DYRK4: variants seen among roughly 807,000 people sequenced by gnomAD.
DYRK4 encodes the protein dual specificity tyrosine-phosphorylation-regulated kinase 4.
Under a neutral mutation model 68.3 loss-of-function variants are expected in DYRK4, and 64 were observed. The observed-to-expected ratio is 0.94, with a 90% CI of 0.77 to 1.15. The LOEUF (loss-of-function observed/expected upper bound fraction) is 1.15. Ranked by LOEUF, DYRK4 falls within the 50% of genes most tolerant of loss-of-function variation. The probability of loss-of-function intolerance (pLI) is 0.00; values close to 1 mark genes in which losing one functional copy is unlikely to be tolerated. For synonymous variants in DYRK4, 274 were observed against 289.9 expected (o/e 0.95, Z 0.56); for missense variants, 740 against 764.7 (o/e 0.97, Z 0.38).
intron 2 of DYRK4, among the ~76,000 whole-genome samples, chr12:4,575,298 A>ATTTGTGTGTGTGTGTGTGTGT (rs562026104): frequency 2.1e-5 from 3 of 144,090 alleles, no homozygotes; most frequent in Non-Finnish European, 4.5e-5. Flanking sequence ...ACAATAACTT[A>ATTTGTGTGTGTGTGTGTGTGT]CTGTGTGTGT....
chr12:4,574,211 C>A (rs1416164918), intron 2 of DYRK4, among the ~76,000 whole-genome samples: 5 of 132,592 alleles, frequency 3.8e-5, no homozygotes, highest in East Asian at 4.5e-4. Context: ...GGCGACAGAG[C>A]GAGACTCCAT....
chr12:4,590,995 G>T, intron 4 of DYRK4, 165 bp from the exon 5 acceptor site: 1 of 777,138 alleles, frequency 1.3e-6, no homozygotes, highest in Non-Finnish European at 2.0e-6. Flanking sequence ...TGCTTCCTTT[G>T]GGAGAGAGGT....
chr12:4,599,893 A>G, intron 10 of DYRK4, 105 bp downstream of exon 10: 1 of 900,526 alleles, frequency 1.1e-6, no homozygotes, highest in Non-Finnish European at 1.8e-6. Context: ...TGTCACCACT[A>G]CCAGTATGAT....
Position 4,605,728 on chromosome 12 carries a change from G to GTTTTT in DYRK4, c.1299+642_1299+643insTTTTT, listed in dbSNP as rs780888385. Among the ~76,000 whole-genome samples the GTTTTT allele has an allele frequency of 2.2e-3, 152 of 68,826 alleles. 12 individuals are homozygous for GTTTTT. Among genetic ancestry groups the GTTTTT allele is most frequent in the East Asian group, 4.7e-3 (7 of 1,500 alleles). 45.2% of individuals were successfully genotyped at this position (68,826 alleles called of 152,430 possible). On this transcript the variant is annotated intron_variant, in intron 11 of 14. Transcript: ENST00000543431. ...GCTCTTAGAAAAATGAATAGAGCTG[G>GTTTTT]GTTTTTTTTTTTTTTTTTTTTTTTT...
intron 2 of DYRK4, among the ~76,000 whole-genome samples, chr12:4,568,591 G>A (rs1205946405): frequency 6.6e-6 from 1 of 152,058 alleles, no homozygotes; most frequent in Non-Finnish European, 1.5e-5. Context: ...TCTTCATGTT[G>A]ATCAGGCTGG....
chr12:4,582,064 A>T lies in DYRK4; in HGVS notation c.133-6873A>T, dbSNP rs540562570. Reference sequence around the variant, plus strand: ...GCACGTGAGTGGTGTCATTGTCGGCACTCAAAAGTGGAGCATTTCAGGCTA... The same window carrying T: ...GCACGTGAGTGGTGTCATTGTCGGCTCTCAAAAGTGGAGCATTTCAGGCTA... On this transcript the variant is annotated intron_variant, in intron 2 of 14. Coordinates refer to ENST00000543431, the MANE Select transcript of DYRK4 (RefSeq NM_001394779.1). Among the ~76,000 whole-genome samples, 83 of 152,200 alleles carry T rather than the reference A, an allele frequency of 5.5e-4. 1 individual carries two copies. Among genetic ancestry groups the T allele is most frequent in the African/African-American group, 1.9e-3 (80 of 41,456 alleles).
chr12:4,612,470 G>T, intron 13 of DYRK4, 73 bp from the exon 14 acceptor site: 2 of 1,442,352 alleles, frequency 1.4e-6, no homozygotes, highest in South Asian at 1.4e-5. Flanking sequence ...AATCTTTATT[G>T]GGTTTTAAAA....
rs1338386646 is a variant in DYRK4, at chr12:4,613,787, C to G, written c.*34C>G. 9 of 1,470,334 alleles carry G rather than the reference C, an allele frequency of 6.1e-6. No individual in the cohort carries two copies. In the African/African-American group the frequency reaches 1.3e-4, roughly 21 times the overall value. 91.1% of individuals were successfully genotyped at this position (1,470,334 alleles called of 1,614,324 possible). On this transcript the variant is annotated 3_prime_UTR_variant, in exon 15 of 15. Transcript: ENST00000543431. This position sits in a 1 kb window ranked among gnomAD's most constrained non-coding sequence, Gnocchi z 4.0. ...GAGGGTATGTCCTGCTCCTTTCCAC[C>G]AGTGATTTGTATTAAGACAGCACTT...
At chr12:4,571,119 G>A (rs577336770) in intron 2 of DYRK4, among the ~76,000 whole-genome samples, 207 of 152,344 alleles carry the variant, frequency 1.4e-3, no homozygotes, top group African/African-American at 4.8e-3. Context: ...AGCTAGCTGA[G>A]CTCCAGGATC....
Position 4,595,200 on chromosome 12 carries a change from T to C in DYRK4, c.628-949T>C, listed in dbSNP as rs543922190. ...AACCTACATGCATAGATCAGGAAAG[T>C]TGTACGTGTTCAAATTCAGTCTTGA... On this transcript the variant is annotated intron_variant, in intron 6 of 14. Transcript: ENST00000543431. Among the ~76,000 whole-genome samples, 8 of 152,318 alleles carry C rather than the reference T, an allele frequency of 5.3e-5. No individual in the cohort carries two copies. In the East Asian group the frequency reaches 1.5e-3, roughly 29 times the overall value.
At chr12:4,565,567 C>T (rs1490618997) in intron 1 of DYRK4, among the ~76,000 whole-genome samples, 2 of 152,074 alleles carry the variant, frequency 1.3e-5, no homozygotes, top group African/African-American at 4.8e-5. Context: ...TCTCTGCCTC[C>T]AGCGCTGTCA....
rs535549115 is a variant in DYRK4 at position 4,597,564 on chromosome 12, C to T, written c.905+835C>T. On this transcript the variant is annotated intron_variant, in intron 8 of 14. Coordinates refer to ENST00000543431, the MANE Select transcript of DYRK4 (RefSeq NM_001394779.1). ...GTGGCCAAATGGACAGCTCGGTCTG[C>T]CTTTCTTGGCCATGAATCACAGTGC... 2.0e-5 allele frequency among the ~76,000 whole-genome samples: 3 copies of T among 152,340 alleles called. No homozygotes were observed. The East Asian group carries it at 5.8e-4, about 29-fold the overall frequency.
At chr12:4,610,028 G>A in intron 12 of DYRK4, 127 bp from the exon 13 acceptor site, 1 of 620,808 alleles carries the variant, frequency 1.6e-6, no homozygotes, top group Non-Finnish European at 2.6e-6. Flanking sequence ...GTTTATTGGG[G>A]TGTGGCATGA....
intron 2 of DYRK4, among the ~76,000 whole-genome samples, chr12:4,572,517 G>A (rs1034703105): frequency 6.6e-6 from 1 of 152,114 alleles, no homozygotes; most frequent in Admixed American, 6.6e-5. Flanking sequence ...GGATGGTCTC[G>A]ATCTCCTGAC....
rs1945071949 is a variant in DYRK4, at chr12:4,600,747, C to T, written c.1126+959C>T. ...TCTTGGGGGCACGCCACCCTCCCAA[C>T]ACCACGTTTCCCATACCCTGGAAGC... is the stretch of plus-strand genomic sequence containing the variant. On this transcript the variant is annotated intron_variant, in intron 10 of 14. Coordinates refer to ENST00000543431, the MANE Select transcript of DYRK4 (RefSeq NM_001394779.1). 2.0e-5 allele frequency among the ~76,000 whole-genome samples: 3 copies of T among 151,874 alleles called. No individual in the cohort carries two copies. In the South Asian group the frequency reaches 6.3e-4, roughly 32 times the overall value.
chr12:4,564,735 A>G (rs1447180476), intron 1 of DYRK4, among the ~76,000 whole-genome samples: 3 of 152,148 alleles, frequency 2.0e-5, no homozygotes, highest in African/African-American at 4.8e-5. Context: ...TTTTTTGATG[A>G]ATTAATCTAT....
At chr12:4,564,818 G>A (rs1043756346) in intron 1 of DYRK4, among the ~76,000 whole-genome samples, 1 of 152,174 alleles carries the variant, frequency 6.6e-6, no homozygotes, top group East Asian at 1.9e-4. Context: ...ACCCCAAAAG[G>A]AATTTTTTAA....
intron 2 of DYRK4, chr12:4,573,233 A>G (rs1199156954): frequency 1.1e-5 from 12 of 1,050,766 alleles, no homozygotes; most frequent in African/African-American, 5.0e-5. Context: ...CAGTGGCTCA[A>G]TGAAGATAGG....
intron 2 of DYRK4, among the ~76,000 whole-genome samples, chr12:4,583,073 C>A (rs1253433931): frequency 6.6e-6 from 1 of 152,072 alleles, no homozygotes; most frequent in African/African-American, 2.4e-5. Flanking sequence ...GAAGGGGTAT[C>A]TTTATTCTCA....
Sources: allele counts gnomAD v4.1 joint callset (sites outside exome capture counted in the v4.1 genomes callset), GRCh38; gene constraint gnomAD v4.1.1; non-coding constraint Gnocchi (gnomAD v3.1); transcripts MANE v1.5; gene names NCBI Gene and HGNC (gene_info 2026-07-23, HGNC 2026-07-21).